PTPRK: variants seen among roughly 807,000 people sequenced by gnomAD.
PTPRK encodes protein tyrosine phosphatase receptor type K.
Under a neutral mutation model 178.0 loss-of-function variants are expected in PTPRK, and 75 were observed. That is an observed-to-expected ratio of 0.42 (90% CI 0.35 to 0.51). The LOEUF (loss-of-function observed/expected upper bound fraction) is 0.51, where lower values mean the gene tolerates loss of function less well. PTPRK is among the 20% of genes least tolerant of loss of function. PTPRK has a pLI of 0.02. For missense variants in PTPRK, 1,441 were observed against 1,797.8 expected (o/e 0.80, Z 3.59); for synonymous variants, 637 against 620.6 (o/e 1.03, Z -0.39).
At chr6:128,123,930 G>A (rs1033730895) in intron 7 of PTPRK, among the ~76,000 whole-genome samples, 1 of 152,000 alleles carries the variant, frequency 6.6e-6, no homozygotes, top group Non-Finnish European at 1.5e-5. Context: ...CACAGCAAGA[G>A]CGTATACTAA....
chr6:128,371,889 A>AAG (rs1322062336), intron 2 of PTPRK, among the ~76,000 whole-genome samples: 13 of 150,858 alleles, frequency 8.6e-5, no homozygotes, highest in Non-Finnish European at 1.2e-4. Context: ...AAAAAAAAAA[A>AAG]AGAGAGAGAG....
At chr6:128,289,841 A>T (rs1458232417) in intron 3 of PTPRK, among the ~76,000 whole-genome samples, 1 of 152,148 alleles carries the variant, frequency 6.6e-6, no homozygotes, top group African/African-American at 2.4e-5. Context: ...AATTTCAAGG[A>T]TGTGTCAAAC....
chr6:127,985,433 A>G (rs141509936), intron 22 of PTPRK, among the ~76,000 whole-genome samples: 1 of 152,320 alleles, frequency 6.6e-6, no homozygotes, highest in East Asian at 1.9e-4. Context: ...GGATTTGCAA[A>G]AGTGATAAAA....
At chr6:127,982,778 G>C in intron 24 of PTPRK, 53 bp downstream of exon 24, 2 of 1,509,300 alleles carry the variant, frequency 1.3e-6, no homozygotes, top group South Asian at 1.2e-5. Flanking sequence ...GATTCCTAGC[G>C]CCCAGAACAA....
chr6:128,084,219 C>A (rs1164867002), intron 8 of PTPRK, among the ~76,000 whole-genome samples: 1 of 152,002 alleles, frequency 6.6e-6, no homozygotes, highest in Non-Finnish European at 1.5e-5. Context: ...TTATGCAAAT[C>A]CCCCAAAGAG....
intron 1 of PTPRK, among the ~76,000 whole-genome samples, chr6:128,497,338 A>T (rs1455079628): frequency 6.6e-6 from 1 of 152,164 alleles, no homozygotes; most frequent in Non-Finnish European, 1.5e-5. Flanking sequence ...TGCTGAGCTC[A>T]GTGGTTCACA....
At chr6:128,478,506 T>C (rs1461995607) in intron 1 of PTPRK, among the ~76,000 whole-genome samples, 1 of 152,098 alleles carries the variant, frequency 6.6e-6, no homozygotes, top group Non-Finnish European at 1.5e-5. Flanking sequence ...TGCTGACAAA[T>C]GCAAACAAAA....
chr6:128,518,325 G>C (rs6923822), intron 1 of PTPRK, among the ~76,000 whole-genome samples: 3 of 152,036 alleles, frequency 2.0e-5, no homozygotes, highest in Non-Finnish European at 2.9e-5. Context: ...TTTATTGTAC[G>C]TATCTAAACT....
chr6:128,017,833 T>TATATATATATATATATATATATATATATA (rs1779790519), intron 13 of PTPRK, among the ~76,000 whole-genome samples: 1 of 137,314 alleles, frequency 7.3e-6, no homozygotes, highest in Non-Finnish European at 1.5e-5. Flanking sequence ...TATATATATA[T>TATATATATATATATATATATATATATATA]TTGGCAGAAT....
chr6:128,316,694 G>A (rs2128318623), intron 3 of PTPRK, among the ~76,000 whole-genome samples: 1 of 148,178 alleles, frequency 6.7e-6, no homozygotes, highest in African/African-American at 2.5e-5. Context: ...ACCTTCACAG[G>A]GTTCTAAGCT....
At chr6:128,389,450 T>C (rs1424067870) in intron 2 of PTPRK, among the ~76,000 whole-genome samples, 2 of 150,862 alleles carry the variant, frequency 1.3e-5, no homozygotes, top group East Asian at 1.9e-4. Context: ...TGTGTATGTA[T>C]TTCCCTGGCA....
At chr6:128,244,992 A>G (rs1815190182) in intron 3 of PTPRK, among the ~76,000 whole-genome samples, 2 of 152,184 alleles carry the variant, frequency 1.3e-5, no homozygotes, top group Admixed American at 1.3e-4. Flanking sequence ...GTGGAGGAGG[A>G]GAAGTTTGAT....
chr6:128,325,525 C>T (rs552266547), intron 2 of PTPRK, among the ~76,000 whole-genome samples: 134 of 152,108 alleles, frequency 8.8e-4, no homozygotes, highest in African/African-American at 3.1e-3. Context: ...TGAACAGACA[C>T]TTTTCAAAAG....
In PTPRK at chr6:128,275,243, A is replaced by G. The variant is rs542514128; in HGVS notation, c.496-32641T>C. 2.8e-4 allele frequency among the ~76,000 whole-genome samples: 43 copies of G among 152,206 alleles called. No homozygotes were observed. In the South Asian group the frequency reaches 8.7e-3, roughly 31 times the overall value. On this transcript the variant is annotated intron_variant, in intron 3 of 29. Coordinates refer to ENST00000368226, the MANE Select transcript of PTPRK (RefSeq NM_002844.4). The stretch of plus-strand genomic sequence containing the variant: ...AGAGAGAATGAGGATTTGAACTCAA[A>G]GGATTCTGACTCAAGCTCTTATGTT...
chr6:128,104,203 T>G (rs942357121), intron 7 of PTPRK, among the ~76,000 whole-genome samples: 3 of 152,230 alleles, frequency 2.0e-5, no homozygotes, highest in Non-Finnish European at 4.4e-5. Context: ...CATTTATATT[T>G]TACTTAACTT....
chr6:128,011,173 A>C (rs2114725429), intron 13 of PTPRK, among the ~76,000 whole-genome samples: 1 of 151,376 alleles, frequency 6.6e-6, no homozygotes, highest in Admixed American at 6.6e-5. Context: ...ATACTACTTC[A>C]AATAGGAAGA....
At chr6:128,377,233 G>C (rs761512626) in intron 2 of PTPRK, among the ~76,000 whole-genome samples, 2 of 152,182 alleles carry the variant, frequency 1.3e-5, no homozygotes, top group Non-Finnish European at 2.9e-5. Flanking sequence ...AGGGTTTAAT[G>C]GACTTACAGT....
chr6:128,349,059 G>A (rs1006331606), intron 2 of PTPRK, among the ~76,000 whole-genome samples: 1 of 152,036 alleles, frequency 6.6e-6, no homozygotes, highest in African/African-American at 2.4e-5. Context: ...AGAAAGAAAT[G>A]AAGGTAAAAT....
chr6:128,006,772 AGC>A (rs1166794246), intron 14 of PTPRK, among the ~76,000 whole-genome samples: 1 of 151,040 alleles, frequency 6.6e-6, no homozygotes, highest in Non-Finnish European at 1.5e-5. Context: ...ATAATTGAAT[AGC>A]GATTAAATTA....
Sources: gnomAD v4.1 joint callset for allele counts (sites outside exome capture counted in the v4.1 genomes callset) on GRCh38, gnomAD v4.1.1 for gene constraint, MANE v1.5 for transcripts, NCBI Gene and HGNC (gene_info 2026-07-23, HGNC 2026-07-21) for gene names.